RSKR: variants seen among roughly 807,000 people sequenced by gnomAD.
RSKR encodes the protein ribosomal protein S6 kinase related.
A neutral mutation model predicts 56.8 loss-of-function variants in RSKR; 44 were observed. The ratio of observed to expected loss-of-function variants is 0.77; its 90% CI spans 0.61 to 1.00. The LOEUF is 1.00. Ranked by LOEUF, RSKR falls within the 50% of genes least tolerant of loss-of-function variation. The probability of loss-of-function intolerance (pLI) is 0.00; values close to 1 mark genes in which losing one functional copy is unlikely to be tolerated. For synonymous variants in RSKR, 181 were observed against 188.0 expected (o/e 0.96, Z 0.30); for missense variants, 510 against 506.9 (o/e 1.01, Z -0.06).
At chr17:28,611,292 T>A (rs1440451079) in intron 10 of RSKR, 39 bp from the exon 11 acceptor site, 2 of 1,531,184 alleles carry the variant, frequency 1.3e-6, no homozygotes, top group African/African-American at 1.4e-5. Context: ...GGGGTAGGGG[T>A]TCATTCCTTA....
rs1281392568 is a variant in RSKR at position 28,611,416 on chromosome 17, G to A, written c.877C>T (p.Leu293Phe). The A allele has an allele frequency of 1.3e-6, 2 of 1,599,294 alleles. No individual in the cohort carries two copies. Among genetic ancestry groups the A allele is most frequent in the African/African-American group, 1.3e-5 (1 of 74,782 alleles). Residue 293 changes from leucine (L) to phenylalanine (F), a missense_variant, in exon 10 of 12, where the codon CTT (leucine) becomes TTT (phenylalanine). Physicochemically the swap from Leu to Phe is conservative, Grantham distance 22. Coordinates refer to ENST00000301037, the MANE Select transcript of RSKR (RefSeq NM_001174103.2). ...ACCTTTCCAGTCGCCAGAGAGAAAAGCAAGACACCCAGGGACCACCAATCA... is the reference window on the plus strand; with the variant it reads ...ACCTTTCCAGTCGCCAGAGAGAAAAACAAGACACCCAGGGACCACCAATCA... Reference protein sequence around the residue: ...AADWWSLGVLLFSLATGKFPV... With the variant: ...AADWWSLGVLFFSLATGKFPV...
chr17:28,611,283 G>A (rs2070809464), intron 10 of RSKR, 30 bp from the exon 11 acceptor site: 1 of 1,532,866 alleles, frequency 6.5e-7, no homozygotes, highest in African/African-American at 1.4e-5. Flanking sequence ...GTGGAGGTAG[G>A]GGTAGGGGTT....
Position 28,610,611 on chromosome 17 carries a change from T to C in RSKR, c.1100A>G (p.Glu367Gly). 1 of 1,535,886 alleles carries C rather than the reference T, an allele frequency of 6.5e-7. No homozygotes were observed. The highest frequency in any genetic ancestry group is 8.7e-7 in the Non-Finnish European group (1 of 1,146,874). Reference protein sequence around the residue: ...PFFRGVAFDPELLQKQPVNFV... With the variant: ...PFFRGVAFDPGLLQKQPVNFV... ...GTTCACTGGCTGCTTCTGTAGGAGC[T>C]CTGGGTCGAAGGCCACACCCCGAAA... The change falls in exon 12 of 12, where the codon GAG becomes GGG. Residue 367 changes from glutamate to glycine, a missense_variant. Physicochemically the swap from Glu to Gly is moderately conservative, Grantham distance 98 (BLOSUM62 -2). Coordinates refer to ENST00000301037, the MANE Select transcript of RSKR (RefSeq NM_001174103.2).
rs1275404662 is a variant in RSKR, at chr17:28,611,458, G to T, written c.835C>A (p.Pro279Thr). The T allele has an allele frequency of 1.9e-6, 3 of 1,604,852 alleles. No individual in the cohort carries two copies. The highest frequency in any genetic ancestry group is 2.5e-6 in the Non-Finnish European group (3 of 1,178,510). ...YMAPEVLSGGPYNHAADWWSL... is the reference protein window; with the variant it reads ...YMAPEVLSGGTYNHAADWWSL... ...CACCAATCAGCAGCATGGTTGTAAG[G>T]TCCTCCACTTAGGACCTCTGGGGCT... The change falls in exon 10 of 12, where the codon CCT (proline) becomes ACT (threonine). Residue 279 changes from proline (P) to threonine (T), a missense_variant. Pro to Thr is a conservative substitution (Grantham distance 38, BLOSUM62 -1). Transcript: ENST00000301037.
chr17:28,611,427 A>G lies in RSKR; in HGVS notation c.866T>C (p.Leu289Pro). 1 of 1,602,766 alleles carries G rather than the reference A, an allele frequency of 6.2e-7. No homozygotes were observed. The highest frequency in any genetic ancestry group is 8.5e-7 in the Non-Finnish European group (1 of 1,179,028). ...CGCCAGAGAGAAAAGCAAGACACCC[A>G]GGGACCACCAATCAGCAGCATGGTT... Reference protein sequence around the residue: ...PYNHAADWWSLGVLLFSLATG... With the variant: ...PYNHAADWWSPGVLLFSLATG... Residue 289 changes from leucine to proline, a missense_variant, in exon 10 of 12, where the codon CTG becomes CCG. By Grantham distance (98) the Leu-to-Pro change is moderately conservative (BLOSUM62 -3). Transcript: ENST00000301037.
intron 4 of RSKR, 42 bp downstream of exon 4, chr17:28,613,029 ACCTGTGG>A (rs767974936): frequency 1.3e-6 from 2 of 1,590,902 alleles, no homozygotes; most frequent in South Asian, 2.2e-5. Context: ...TACTTTCCCT[ACCTGTGG>A]CCTAGCTCTT....
chr17:28,610,520 G>T lies in RSKR; in HGVS notation c.1191C>A (p.Asp397Glu), dbSNP rs2070796989. ...SAETMPFDDFDCDLESFLLYP... is the reference protein window; with the variant it reads ...SAETMPFDDFECDLESFLLYP... ...AGAGCAAGAAGGACTCCAGATCACA[G>T]TCAAAGTCGTCAAAGGGCATGGTCT... Residue 397 changes from aspartate to glutamate, a missense_variant, in exon 12 of 12, where the codon GAC (aspartate) becomes GAA (glutamate). Asp to Glu is a conservative substitution (Grantham distance 45). Transcript: ENST00000301037. 3 of 1,536,040 alleles carry T rather than the reference G, an allele frequency of 2.0e-6. No individual in the cohort carries two copies. Among genetic ancestry groups the T allele is most frequent in the Non-Finnish European group, 2.6e-6 (3 of 1,146,882 alleles).
chr17:28,612,564 TG>T, intron 5 of RSKR, 53 bp downstream of exon 5: 1 of 1,576,994 alleles, frequency 6.3e-7, no homozygotes, highest in Non-Finnish European at 8.7e-7. Context: ...TAATCTCAGG[TG>T]GGGAACATGG....
At chr17:28,612,115 G>C in intron 6 of RSKR, 31 bp from the exon 7 acceptor site, 1 of 1,612,860 alleles carries the variant, frequency 6.2e-7, no homozygotes, top group Non-Finnish European at 8.5e-7. Flanking sequence ...GTATGCTGCA[G>C]CTTTTCTGTC....
Position 28,614,072 on chromosome 17 carries a change from A to C in RSKR, c.75+15T>G, listed in dbSNP as rs367795075. 1.2e-6 allele frequency: 2 copies of C among 1,610,274 alleles called. No individual in the cohort carries two copies. Among genetic ancestry groups the C allele is most frequent in the Admixed American group, 1.7e-5 (1 of 59,938 alleles). On this transcript the variant is annotated intron_variant, in intron 1 of 11. Transcript: ENST00000301037. ...TCTCCTCCCCTCAGTAGGCTGCCAG[A>C]GCCCCACAGCCTACCTTGTGAGGGA...
intron 1 of RSKR, 90 bp downstream of exon 1, chr17:28,613,992 AATCAC>A: frequency 2.7e-6 from 4 of 1,490,292 alleles, no homozygotes; most frequent in Non-Finnish European, 3.7e-6. Flanking sequence ...CACATTGGGT[AATCAC>A]TTCCATGCTC....
chr17:28,610,801 G>T, intron 11 of RSKR, 102 bp from the exon 12 acceptor site: 1 of 1,150,930 alleles, frequency 8.7e-7, no homozygotes, highest in Non-Finnish European at 1.2e-6. Flanking sequence ...GTGGAGGGTA[G>T]GAATAAGAAC....
chr17:28,611,236 C>G lies in RSKR; in HGVS notation c.918G>C (p.Glu306Asp), dbSNP rs1034217849. The change falls in exon 11 of 12, where the codon GAG becomes GAC. Residue 306 changes from glutamate (E) to aspartate (D), a missense_variant. Transcript: ENST00000301037. The part of the protein sequence containing the change: ...LATGKFPVAA[E>D]RDHVAMLASV... The stretch of plus-strand genomic sequence containing the variant: ...TTGCCAACATGGCCACATGATCTCT[C>G]TCTGCAGCCACTGGAAACTGAGTTA... 6 of 1,536,034 alleles carry G rather than the reference C, an allele frequency of 3.9e-6. No homozygotes were observed. The highest frequency in any genetic ancestry group is 4.4e-6 in the Non-Finnish European group (5 of 1,146,806).
rs1324649750 is a variant in RSKR, at chr17:28,613,072, G to A, written c.477+6C>T. On this transcript the variant is annotated splice_donor_region_variant and intron_variant, in intron 4 of 11. Transcript: ENST00000301037. ...CCCACAATCCTTTCCAGGACTCTGT[G>A]CATACCTGGATGCTAACCTCCTCTT... 6.2e-7 allele frequency: 1 copy of A among 1,613,860 alleles called. No homozygotes were observed. The highest frequency in any genetic ancestry group is 8.5e-7 in the Non-Finnish European group (1 of 1,179,822).
At position 28,610,533 on chromosome 17, in the gene RSKR, A is replaced by G. The variant is rs2070797223; in HGVS notation, c.1178T>C (p.Phe393Ser). 6.5e-7 allele frequency: 1 copy of G among 1,536,088 alleles called. No homozygotes were observed. The highest frequency in any genetic ancestry group is 1.4e-5 in the African/African-American group (1 of 73,150). ...CTCCAGATCACAGTCAAAGTCGTCA[A>G]AGGGCATGGTCTCCGCTGAACTGGG... ...TQPSSAETMPFDDFDCDLESF... is the reference protein window; with the variant it reads ...TQPSSAETMPSDDFDCDLESF... The change falls in exon 12 of 12, where the codon TTT becomes TCT. Residue 393 changes from phenylalanine to serine, a missense_variant. Transcript: ENST00000301037.
Position 28,612,675 on chromosome 17 carries a change from G to T in RSKR, c.490C>A (p.His164Asn). ...TCCCCCAAGCTGTGTACAAAGGGAT[G>T]GTTGATCTGTCGCTAGGAACAAAGA... Reference protein sequence around the residue: ...EEVSIQRQINHPFVHSLGDSW... With the variant: ...EEVSIQRQINNPFVHSLGDSW... The change falls in exon 5 of 12, where the codon CAT (histidine) becomes AAT (asparagine). Residue 164 changes from histidine (H) to asparagine (N), a missense_variant. Transcript: ENST00000301037. 1 of 1,614,184 alleles carries T rather than the reference G, an allele frequency of 6.2e-7. No homozygotes were observed. Among genetic ancestry groups the T allele is most frequent in the African/African-American group, 1.3e-5 (1 of 75,036 alleles).
chr17:28,612,233 C>T (rs2070826054), intron 6 of RSKR, 29 bp downstream of exon 6: 1 of 1,609,464 alleles, frequency 6.2e-7, no homozygotes, highest in Non-Finnish European at 8.5e-7. Flanking sequence ...ATCTTCCCTC[C>T]CCATTTCCTT....
At position 28,609,433 on chromosome 17, in the gene RSKR, G is replaced by C. The variant is rs954242214; in HGVS notation, c.*1045C>G. 1 of 151,800 alleles carries C rather than the reference G, an allele frequency of 6.6e-6. No homozygotes were observed. The allele number at this position is 151,800 out of a possible 1,614,324, so 9.4% of individuals were successfully genotyped here. A position where few individuals can be genotyped will look rare whatever the true frequency, so the allele number is the denominator to read the frequency against. Reference sequence around the variant, plus strand: ...ATGCTTTTCAAAGAGGTTTTATTTTGGATAACTGTTGCAATTATAGACCTA... The same window carrying C: ...ATGCTTTTCAAAGAGGTTTTATTTTCGATAACTGTTGCAATTATAGACCTA... On this transcript the variant is annotated 3_prime_UTR_variant, in exon 12 of 12. Coordinates refer to ENST00000301037, the MANE Select transcript of RSKR (RefSeq NM_001174103.2).
rs571844586 is a variant in RSKR at position 28,612,281 on chromosome 17, G to A, written c.633C>T (p.Ala211=). ...ACTTACACAGTACCAGCACCAACTCGGCAGCAAAGAGACGGATGGAAGCCT... is the reference window on the plus strand; with the variant it reads ...ACTTACACAGTACCAGCACCAACTCAGCAGCAAAGAGACGGATGGAAGCCT... The part of the protein sequence containing the change: ...FPEASIRLFA[A]ELVLVLCYLH... The change falls in exon 6 of 12, where the codon GCC becomes GCT. Residue 211 remains alanine, a synonymous_variant. Coordinates refer to ENST00000301037, the MANE Select transcript of RSKR (RefSeq NM_001174103.2). 122 of 1,614,070 alleles carry A rather than the reference G, an allele frequency of 7.6e-5. 1 individual carries two copies. The East Asian group carries it at 7.8e-4, about 10-fold the overall frequency.
Sources: allele counts gnomAD v4.1 joint callset, GRCh38; gene constraint gnomAD v4.1.1; transcripts MANE v1.5; gene names NCBI Gene and HGNC (gene_info 2026-07-23, HGNC 2026-07-21).